SPAG16: variants seen among roughly 807,000 people sequenced by gnomAD.
SPAG16 encodes sperm associated antigen 16.
SPAG16 carries 86 observed loss-of-function variants against 80.4 expected under a neutral mutation model. The ratio of observed to expected loss-of-function variants is 1.07; its 90% CI spans 0.90 to 1.28. The LOEUF (loss-of-function observed/expected upper bound fraction) is 1.28. SPAG16 is among the 50% of genes most tolerant of loss of function. The pLI, the probability that SPAG16 is intolerant of heterozygous loss-of-function variation, is 0.00. For synonymous variants in SPAG16, 294 were observed against 265.9 expected (o/e 1.11, Z -1.03); for missense variants, 870 against 765.3 (o/e 1.14, Z -1.61).
intron 15 of SPAG16, among the ~76,000 whole-genome samples, chr2:214,272,430 T>C (rs1195002350): frequency 1.3e-5 from 2 of 152,314 alleles, no homozygotes; most frequent in South Asian, 2.1e-4. Context: ...TTTGTCCTAA[T>C]GCTATCCCTC....
intron 10 of SPAG16, among the ~76,000 whole-genome samples, chr2:213,566,836 T>C (rs565739492): frequency 3.3e-5 from 5 of 152,318 alleles, no homozygotes; most frequent in Non-Finnish European, 7.4e-5. Context: ...CCAGATTATA[T>C]TGATATAGTT....
At chr2:213,745,989 A>G (rs2067804445) in intron 10 of SPAG16, among the ~76,000 whole-genome samples, 1 of 152,178 alleles carries the variant, frequency 6.6e-6, no homozygotes, top group African/African-American at 2.4e-5. Flanking sequence ...TTATGCTAAG[A>G]TCAGAATTAC....
chr2:214,042,460 CAACAAA>C (rs1397141972), intron 13 of SPAG16, among the ~76,000 whole-genome samples: 1 of 124,976 alleles, frequency 8.0e-6, no homozygotes, highest in African/African-American at 2.8e-5. Flanking sequence ...ACAACAACAA[CAACAAA>C]AACTCCTTAC....
chr2:214,142,821 A>G (rs1476747951), intron 14 of SPAG16, among the ~76,000 whole-genome samples: 2 of 152,268 alleles, frequency 1.3e-5, no homozygotes, highest in East Asian at 3.9e-4. Flanking sequence ...TACCCCAGCC[A>G]TGGTTTTAGC....
chr2:214,345,536 C>T (rs990378432), intron 15 of SPAG16, among the ~76,000 whole-genome samples: 1 of 152,066 alleles, frequency 6.6e-6, no homozygotes, highest in Non-Finnish European at 1.5e-5. Context: ...ACTATCTGCT[C>T]TATTTAAAAA....
intron 10 of SPAG16, among the ~76,000 whole-genome samples, chr2:213,804,490 T>C (rs1360326961): frequency 6.6e-6 from 1 of 152,152 alleles, no homozygotes; most frequent in East Asian, 1.9e-4. Context: ...GAGACCGTCC[T>C]GGCTAACACG....
intron 9 of SPAG16, among the ~76,000 whole-genome samples, chr2:213,446,528 G>C (rs2071321771): frequency 6.6e-6 from 1 of 151,824 alleles, no homozygotes; most frequent in Non-Finnish European, 1.5e-5. Flanking sequence ...AACATAGGCA[G>C]ACAAAATAAA....
At chr2:214,237,413 G>A (rs1006000727) in intron 15 of SPAG16, among the ~76,000 whole-genome samples, 3 of 151,766 alleles carry the variant, frequency 2.0e-5, no homozygotes, top group South Asian at 2.1e-4. Flanking sequence ...AATGATCTAC[G>A]CTCATGGAGA....
chr2:213,347,921 G>A (rs2065089107), intron 6 of SPAG16, among the ~76,000 whole-genome samples: 1 of 152,204 alleles, frequency 6.6e-6, no homozygotes, highest in East Asian at 1.9e-4. Context: ...GTGGAGCTGA[G>A]TTCAATTCCT....
intron 4 of SPAG16, among the ~76,000 whole-genome samples, chr2:213,313,013 C>G (rs1006202032): frequency 2.6e-5 from 4 of 151,724 alleles, no homozygotes; most frequent in African/African-American, 9.7e-5. Context: ...ATATTTGTTC[C>G]TTTGTCATTT....
At chr2:214,012,288 A>ATATATATATT (rs1553694500) in intron 12 of SPAG16, among the ~76,000 whole-genome samples, 4 of 46,804 alleles carry the variant, frequency 8.5e-5, no homozygotes, top group Admixed American at 3.5e-4. Flanking sequence ...ATATATATAT[A>ATATATATATT]TTTTTTTTTT....
At chr2:214,271,686 G>C (rs966537162) in intron 15 of SPAG16, among the ~76,000 whole-genome samples, 14 of 152,056 alleles carry the variant, frequency 9.2e-5, no homozygotes, top group African/African-American at 3.4e-4. Flanking sequence ...TGTAATCCCA[G>C]CTACTCGGAA....
intron 10 of SPAG16, among the ~76,000 whole-genome samples, chr2:213,620,347 C>T (rs1419446191): frequency 1.7e-5 from 2 of 120,426 alleles, no homozygotes; most frequent in Non-Finnish European, 3.2e-5. Context: ...GGCTGGAGTG[C>T]AGTGGCACGA....
chr2:213,355,621 A>G (rs1348831227), intron 7 of SPAG16, among the ~76,000 whole-genome samples: 2 of 152,062 alleles, frequency 1.3e-5, no homozygotes, highest in Non-Finnish European at 2.9e-5. Context: ...ATTCTCTTTG[A>G]AGCAATTGTG....
chr2:214,307,733 T>G (rs1695019193), intron 15 of SPAG16, among the ~76,000 whole-genome samples: 2 of 152,306 alleles, frequency 1.3e-5, no homozygotes, highest in African/African-American at 4.8e-5. Flanking sequence ...TGATTTCTAA[T>G]TTGATTGTGC....
intron 15 of SPAG16, among the ~76,000 whole-genome samples, chr2:214,309,479 G>C (rs938310294): frequency 6.6e-6 from 1 of 152,058 alleles, no homozygotes; most frequent in Non-Finnish European, 1.5e-5. Context: ...GACTTTTTGA[G>C]TTTTTAGTAT....
intron 13 of SPAG16, among the ~76,000 whole-genome samples, chr2:214,024,247 T>A (rs2048027165): frequency 6.6e-6 from 1 of 151,572 alleles, no homozygotes; most frequent in South Asian, 2.1e-4. Flanking sequence ...ATCTTTTGAG[T>A]AGAAGTAATA....
intron 10 of SPAG16, among the ~76,000 whole-genome samples, chr2:213,773,055 A>G (rs1019847429): frequency 6.6e-6 from 1 of 151,798 alleles, no homozygotes; most frequent in Non-Finnish European, 1.5e-5. Flanking sequence ...TATTAATCAC[A>G]ATTATTTTAA....
intron 9 of SPAG16, among the ~76,000 whole-genome samples, chr2:213,409,340 G>C (rs1362546367): frequency 2.0e-5 from 3 of 152,140 alleles, no homozygotes; most frequent in Non-Finnish European, 2.9e-5. Flanking sequence ...TTGGTAAAAA[G>C]ATTGTAGGGA....
Sources: allele counts gnomAD v4.1 joint callset (sites outside exome capture counted in the v4.1 genomes callset), GRCh38; gene constraint gnomAD v4.1.1; transcripts MANE v1.5; gene names NCBI Gene and HGNC (gene_info 2026-07-23, HGNC 2026-07-21).